The following ARIH2 variants were observed in gnomAD, a reference collection of about 807,000 sequenced individuals.
The protein encoded by ARIH2 is E3 ubiquitin-protein ligase ARIH2.
Under a neutral mutation model 79.8 loss-of-function variants are expected in ARIH2, and 12 were observed. That is an observed-to-expected ratio of 0.15 (90% CI 0.10 to 0.24). ARIH2 has a LOEUF of 0.24. Ranked by LOEUF, ARIH2 falls within the 10% of genes least tolerant of loss-of-function variation. The pLI, the probability that ARIH2 is intolerant of heterozygous loss-of-function variation, is 1.00. For synonymous variants in ARIH2, 224 were observed against 213.9 expected, an observed-to-expected ratio of 1.05 and a Z score of -0.41; for missense variants, 301 against 618.3, an observed-to-expected ratio of 0.49 and a Z score of 5.44.
chr3:48,976,897 C>T (rs2092532609), intron 11 of ARIH2, among the ~76,000 whole-genome samples: 1 of 150,546 alleles, frequency 6.6e-6, no homozygotes, highest in Non-Finnish European at 1.5e-5. Flanking sequence ...GAGCGAGACT[C>T]TGTCTCAAAA....
chr3:48,975,365 G>A (rs2092443116), intron 11 of ARIH2, among the ~76,000 whole-genome samples: 2 of 152,270 alleles, frequency 1.3e-5, no homozygotes, highest in African/African-American at 4.8e-5. Context: ...TTCCCTTGCC[G>A]TTTTACAAAG....
intron 12 of ARIH2, 141 bp downstream of exon 12, chr3:48,979,774 G>A: frequency 1.1e-6 from 1 of 875,010 alleles, no homozygotes; most frequent in Non-Finnish European, 1.7e-6. Context: ...TATCCCTGGT[G>A]CTGCCTCTAT....
chr3:48,972,089 G>A (rs992488651), intron 8 of ARIH2, among the ~76,000 whole-genome samples: 4 of 152,134 alleles, frequency 2.6e-5, no homozygotes, highest in Admixed American at 1.3e-4. Context: ...TGAGACTCCC[G>A]GAAGTGGGTC....
chr3:48,939,372 G>C (rs1411668937), intron 3 of ARIH2, among the ~76,000 whole-genome samples: 1 of 152,114 alleles, frequency 6.6e-6, no homozygotes, highest in African/African-American at 2.4e-5. Context: ...AGTAATAGCT[G>C]TCTCTCATGG....
chr3:48,974,775 C>G (rs1170019323), intron 9 of ARIH2, 42 bp from the exon 10 acceptor site: 2 of 1,609,240 alleles, frequency 1.2e-6, no homozygotes, highest in South Asian at 2.2e-5. Context: ...TAAAACCAAC[C>G]TGGTGGTGTG....
rs371911209 is a variant in ARIH2 at position 48,953,457 on chromosome 3, G to A, written c.256-8155G>A. On this transcript the variant is annotated intron_variant, in intron 3 of 15. Transcript: ENST00000356401. ...CTCGCTCTGTCTCCCAGGCTGGAGGGCAGTGGTGCGACCTCGGCTCACTGC... is the reference window on the plus strand; with the variant it reads ...CTCGCTCTGTCTCCCAGGCTGGAGGACAGTGGTGCGACCTCGGCTCACTGC... Among the ~76,000 whole-genome samples the A allele has an allele frequency of 7.2e-5, 11 of 152,110 alleles. 1 individual carries two copies. In the South Asian group the frequency reaches 1.2e-3, roughly 17 times the overall value.
In ARIH2 at chr3:48,918,878, C is replaced by T. The variant is rs369699183; in HGVS notation, c.-282C>T. On this transcript the variant is annotated 5_prime_UTR_variant, in exon 1 of 16. Coordinates refer to ENST00000356401, the MANE Select transcript of ARIH2 (RefSeq NM_006321.4). ...GACGACTCTTCTGGAGGAAGCAGCGCGGGCTTGACCGGCGTCGGCCCGCCG... is the reference window on the plus strand; with the variant it reads ...GACGACTCTTCTGGAGGAAGCAGCGTGGGCTTGACCGGCGTCGGCCCGCCG... 8 of 1,608,000 alleles carry T rather than the reference C, an allele frequency of 5.0e-6. No homozygotes were observed. Among genetic ancestry groups the T allele is most frequent in the South Asian group, 2.2e-5 (2 of 90,866 alleles).
chr3:48,945,702 G>T (rs934235146), intron 3 of ARIH2, among the ~76,000 whole-genome samples: 3 of 152,178 alleles, frequency 2.0e-5, no homozygotes, highest in Non-Finnish European at 4.4e-5. Context: ...GCTTGAATGC[G>T]GTGGAGGGGA....
At chr3:48,972,483 A>C (rs544654171) in intron 8 of ARIH2, among the ~76,000 whole-genome samples, 16 of 152,130 alleles carry the variant, frequency 1.1e-4, no homozygotes, top group Admixed American at 6.5e-5. Context: ...GTCTCTACTA[A>C]AGATACAAAA....
intron 3 of ARIH2, among the ~76,000 whole-genome samples, chr3:48,951,864 T>C (rs933054381): frequency 7.2e-5 from 11 of 152,184 alleles, no homozygotes; most frequent in Non-Finnish European, 1.3e-4. Context: ...GAATCCATTT[T>C]TAGACTTCGT....
At chr3:48,934,427 T>A in intron 3 of ARIH2, 1 of 984,742 alleles carries the variant, frequency 1.0e-6, no homozygotes, top group Non-Finnish European at 1.2e-6. Context: ...TAATGGTTTG[T>A]TGTTGTTGTT....
intron 2 of ARIH2, among the ~76,000 whole-genome samples, chr3:48,925,813 C>T (rs1388141781): frequency 6.6e-6 from 1 of 151,110 alleles, no homozygotes; most frequent in Non-Finnish European, 1.5e-5. Context: ...CCGACTCCCT[C>T]GTTCAAGTGA....
intron 3 of ARIH2, among the ~76,000 whole-genome samples, chr3:48,949,380 T>C (rs1263114300): frequency 5.3e-5 from 8 of 152,196 alleles, no homozygotes; most frequent in Non-Finnish European, 1.2e-4. Context: ...GGCCTGGGAT[T>C]ACAGGTGTGA....
intron 4 of ARIH2, among the ~76,000 whole-genome samples, chr3:48,963,735 T>C (rs533660286): frequency 5.3e-5 from 8 of 152,230 alleles, no homozygotes; most frequent in Admixed American, 2.6e-4. Context: ...GTTCCTGATA[T>C]TGTAAGACTT....
At chr3:48,939,777 C>CA (rs1433918663) in intron 3 of ARIH2, among the ~76,000 whole-genome samples, 1 of 127,550 alleles carries the variant, frequency 7.8e-6, no homozygotes. Context: ...AAAAAAAAAA[C>CA]AAAAACAAAA....
At chr3:48,964,808 G>C in intron 4 of ARIH2, 111 bp from the exon 5 acceptor site, 2 of 810,164 alleles carry the variant, frequency 2.5e-6, no homozygotes, top group Non-Finnish European at 4.0e-6. Context: ...TTAGTTCTGT[G>C]AGAAAGTAGA....
chr3:48,924,862 A>G (rs1197500858), intron 2 of ARIH2: 1 of 151,800 alleles, frequency 6.6e-6, no homozygotes, highest in African/African-American at 2.4e-5. Context: ...ATGCCTAGCT[A>G]ATTTTTGTAT....
Position 48,933,773 on chromosome 3 carries a change from G to A in ARIH2, c.255+5960G>A, listed in dbSNP as rs556618023. ...TCACCTTGTTTGCCAGGATGGTCTC[G>A]ATCTCCTGACCTCATGATCCACCCG... is the stretch of plus-strand genomic sequence containing the variant. On this transcript the variant is annotated intron_variant, in intron 3 of 15. Transcript: ENST00000356401. Among the ~76,000 whole-genome samples, 6 of 150,562 alleles carry A rather than the reference G, an allele frequency of 4.0e-5. No individual in the cohort carries two copies. The East Asian group carries it at 1.2e-3, about 30-fold the overall frequency.
rs774875186 is a variant in ARIH2, at chr3:48,984,869, A to T, written c.*1599A>T. 4 of 152,268 alleles carry T rather than the reference A, an allele frequency of 2.6e-5. No individual in the cohort carries two copies. The highest frequency in any genetic ancestry group is 5.9e-5 in the Non-Finnish European group (4 of 68,058). 9.4% of individuals were successfully genotyped at this position (152,268 alleles called of 1,614,324 possible). ...TGTGACTCATGGGATCATGAGGTCC[A>T]TGGCTGGTTGCAGGTTCCCTTTTTC... On this transcript the variant is annotated 3_prime_UTR_variant, in exon 16 of 16. Coordinates refer to ENST00000356401, the MANE Select transcript of ARIH2 (RefSeq NM_006321.4).
Sources: allele counts gnomAD v4.1 joint callset (sites outside exome capture counted in the v4.1 genomes callset), GRCh38; gene constraint gnomAD v4.1.1; transcripts MANE v1.5; gene names NCBI Gene and HGNC (gene_info 2026-07-23, HGNC 2026-07-21).